The following FBXO36 variants were observed in gnomAD, a reference collection of about 807,000 sequenced individuals.
The protein encoded by FBXO36 is F-box only protein 36.
In FBXO36, 18 loss-of-function variants were observed where a neutral mutation model predicts 17.0. The ratio of observed to expected loss-of-function variants is 1.06; its 90% CI spans 0.73 to 1.57. FBXO36 has a LOEUF of 1.57. Ranked by LOEUF, FBXO36 falls within the 40% of genes most tolerant of loss-of-function variation. The probability of loss-of-function intolerance (pLI) is 0.00; values close to 1 mark genes in which losing one functional copy is unlikely to be tolerated. For missense variants in FBXO36, 229 were observed against 221.9 expected (o/e 1.03, Z -0.20); for synonymous variants, 83 against 85.3 (o/e 0.97, Z 0.15).
Position 230,010,829 on chromosome 2 carries a change from G to A in FBXO36, c.512G>A (p.Arg171Gln), listed in dbSNP as rs747143681. 10 of 1,613,598 alleles carry A rather than the reference G, an allele frequency of 6.2e-6. No homozygotes were observed. The highest frequency in any genetic ancestry group is 1.6e-4 in the Middle Eastern group (1 of 6,076). The stretch of plus-strand genomic sequence containing the variant: ...TTCACCAACAAGCTCCAGCTCCAGC[G>A]GCAGCTCCGCAAGAGGAAACAAAAA... ...LFFTNKLQLQ[R>Q]QLRKRKQKYG... The change falls in exon 4 of 4, where the codon CGG (arginine) becomes CAG (glutamine). Residue 171 changes from arginine (R) to glutamine (Q), a missense_variant. Arg to Gln is a conservative substitution (Grantham distance 43). Coordinates refer to ENST00000283946, the MANE Select transcript of FBXO36 (RefSeq NM_174899.5).
At chr2:229,980,084 G>A (rs1244463046) in intron 2 of FBXO36, among the ~76,000 whole-genome samples, 2 of 151,846 alleles carry the variant, frequency 1.3e-5, no homozygotes, top group Non-Finnish European at 2.9e-5. Flanking sequence ...GTCTTGCTCT[G>A]TCGCCTAGGG....
intron 1 of FBXO36, among the ~76,000 whole-genome samples, chr2:229,942,128 TAGG>T (rs1470966432): frequency 6.6e-6 from 1 of 152,162 alleles, no homozygotes; most frequent in Non-Finnish European, 1.5e-5. Flanking sequence ...TAAGGACTTT[TAGG>T]AGGTTTCTTT....
intron 2 of FBXO36, among the ~76,000 whole-genome samples, chr2:229,993,382 G>C (rs2077307528): frequency 6.6e-6 from 1 of 152,218 alleles, no homozygotes; most frequent in South Asian, 2.1e-4. Context: ...TTCTCGCAGA[G>C]TGAGTGATCG....
chr2:229,969,722 T>C (rs1010964073), intron 1 of FBXO36, among the ~76,000 whole-genome samples: 1 of 152,084 alleles, frequency 6.6e-6, no homozygotes, highest in African/African-American at 2.4e-5. Flanking sequence ...AATTGATAAA[T>C]TGGACTTTGT....
chr2:229,936,549 G>A lies in FBXO36; in HGVS notation c.96+13940G>A, dbSNP rs377495962. Among the ~76,000 whole-genome samples, 3 of 152,268 alleles carry A rather than the reference G, an allele frequency of 2.0e-5. No individual in the cohort carries two copies. In the East Asian group the frequency reaches 5.8e-4, roughly 29 times the overall value. On this transcript the variant is annotated intron_variant, in intron 1 of 3. Transcript: ENST00000283946. ...AATAATATTTACTTATGAAGTTAAT[G>A]AGAACAAAGGAACTACTGTGATAAA... is the stretch of plus-strand genomic sequence containing the variant.
chr2:229,969,826 A>G (rs1185254066), intron 1 of FBXO36, among the ~76,000 whole-genome samples: 1 of 152,252 alleles, frequency 6.6e-6, no homozygotes, highest in Non-Finnish European at 1.5e-5. Context: ...ACAGAGGATT[A>G]GTATTTACAA....
At chr2:229,979,398 G>GTA (rs759213980) in intron 2 of FBXO36, among the ~76,000 whole-genome samples, 128 of 150,042 alleles carry the variant, frequency 8.5e-4, no homozygotes, top group African/African-American at 2.2e-3. Context: ...GTATGTGTGT[G>GTA]TATATATATA....
intron 3 of FBXO36, among the ~76,000 whole-genome samples, chr2:230,001,000 A>T (rs781092109): frequency 6.6e-6 from 1 of 151,728 alleles, no homozygotes; most frequent in Non-Finnish European, 1.5e-5. Flanking sequence ...GTGGGACTAC[A>T]GGTGCTTGCC....
At chr2:229,937,590 G>C (rs1271772097) in intron 1 of FBXO36, among the ~76,000 whole-genome samples, 1 of 152,192 alleles carries the variant, frequency 6.6e-6, no homozygotes, top group Non-Finnish European at 1.5e-5. Context: ...TACAAAGCCA[G>C]CATAGCCTGG....
intron 3 of FBXO36, among the ~76,000 whole-genome samples, chr2:230,005,237 G>A (rs1489157563): frequency 2.0e-5 from 3 of 152,118 alleles, no homozygotes; most frequent in African/African-American, 7.2e-5. Context: ...AAATGTCTGG[G>A]ACTACAGGTG....
intron 2 of FBXO36, among the ~76,000 whole-genome samples, chr2:229,985,528 T>TGTCTTCA: frequency 6.6e-6 from 1 of 152,266 alleles, no homozygotes; most frequent in East Asian, 1.9e-4. Flanking sequence ...AGCTGCCCTT[T>TGTCTTCA]GTCTTCAGCC....
chr2:229,957,239 G>A (rs1408158173), intron 1 of FBXO36, among the ~76,000 whole-genome samples: 1 of 152,178 alleles, frequency 6.6e-6, no homozygotes, highest in Non-Finnish European at 1.5e-5. Context: ...AGTAAAGAGG[G>A]AAATGTTACA....
chr2:229,946,060 T>G (rs1311926029), intron 1 of FBXO36, among the ~76,000 whole-genome samples: 1 of 148,124 alleles, frequency 6.8e-6, no homozygotes, highest in Non-Finnish European at 1.5e-5. Context: ...ATTGGGAGGA[T>G]GAAAAGGAAG....
intron 1 of FBXO36, among the ~76,000 whole-genome samples, chr2:229,961,611 T>G (rs1195163995): frequency 6.6e-6 from 1 of 152,130 alleles, no homozygotes; most frequent in Non-Finnish European, 1.5e-5. Context: ...CCTGACCTTG[T>G]GATCCGCCTG....
intron 2 of FBXO36, among the ~76,000 whole-genome samples, chr2:229,977,873 G>C (rs1189822277): frequency 6.6e-6 from 1 of 152,196 alleles, no homozygotes; most frequent in Non-Finnish European, 1.5e-5. Flanking sequence ...AATCCCAATT[G>C]TTAATGTCGT....
chr2:229,942,913 G>GT (rs1164409667), intron 1 of FBXO36: 1 of 152,200 alleles, frequency 6.6e-6, no homozygotes, highest in Non-Finnish European at 1.5e-5. Context: ...CCATCTTCTT[G>GT]TGGTTACAGT....
chr2:229,940,357 A>G (rs1298315065), intron 1 of FBXO36, among the ~76,000 whole-genome samples: 1 of 152,202 alleles, frequency 6.6e-6, no homozygotes, highest in Non-Finnish European at 1.5e-5. Context: ...ACGTAAAGAC[A>G]TAGTAGGCAC....
Position 230,010,960 on chromosome 2 carries a change from T to G in FBXO36, c.*76T>G. The G allele has an allele frequency of 1.4e-6, 2 of 1,418,582 alleles. No homozygotes were observed. The highest frequency in any genetic ancestry group is 1.9e-6 in the Non-Finnish European group (2 of 1,058,578). 87.9% of individuals were successfully genotyped at this position (1,418,582 alleles called of 1,614,324 possible). A position where few individuals can be genotyped will look rare whatever the true frequency, so the allele number is the denominator to read the frequency against. Reference sequence around the variant, plus strand: ...CAGTGTCCAAATCTCTTCTGTCTCCTTTTCTTAAGAACTAAGAGGTTTTGT... The same window carrying G: ...CAGTGTCCAAATCTCTTCTGTCTCCGTTTCTTAAGAACTAAGAGGTTTTGT... On this transcript the variant is annotated 3_prime_UTR_variant, in exon 4 of 4. Transcript: ENST00000283946.
intron 3 of FBXO36, among the ~76,000 whole-genome samples, chr2:230,006,523 G>A (rs2077387665): frequency 6.6e-6 from 1 of 152,208 alleles, no homozygotes; most frequent in Non-Finnish European, 1.5e-5. Context: ...TCAGGGCTCT[G>A]TGCAGTCAGT....
Sources: gnomAD v4.1 joint callset for allele counts (sites outside exome capture counted in the v4.1 genomes callset) on GRCh38, gnomAD v4.1.1 for gene constraint, MANE v1.5 for transcripts, NCBI Gene and HGNC (gene_info 2026-07-23, HGNC 2026-07-21) for gene names.